Variants in WWP1 observed in about 807,000 individuals in gnomAD.
WWP1 encodes NEDD4-like E3 ubiquitin-protein ligase WWP1.
Under a neutral mutation model 130.6 loss-of-function variants are expected in WWP1, and 49 were observed. The observed-to-expected ratio is 0.38, with a 90% CI of 0.30 to 0.48. The LOEUF (loss-of-function observed/expected upper bound fraction) is 0.48, where lower values mean the gene tolerates loss of function less well. Among genes scored for constraint, WWP1 ranks in the 20% least tolerant of loss-of-function variants. The pLI is 0.99. For synonymous variants in WWP1, 332 were observed against 367.8 expected (o/e 0.90, Z 1.11); for missense variants, 809 against 1,100.6 (o/e 0.74, Z 3.75).
Position 86,427,757 on chromosome 8 carries a change from A to G in WWP1, c.1272A>G (p.Gln424=), listed in dbSNP as rs764150672. The change falls in exon 11 of 25, where the codon CAA becomes CAG. Residue 424 remains glutamine (Q), a synonymous_variant. Transcript: ENST00000517970. ...MESVRNFEQW[Q]SQRNQLQGAM... is the part of the protein sequence containing the mutation. Reference sequence around the variant, plus strand: ...CTGTCCGAAATTTTGAACAGTGGCAATCTCAGCGGAACCAATTGCAGGGAG... The same window carrying G: ...CTGTCCGAAATTTTGAACAGTGGCAGTCTCAGCGGAACCAATTGCAGGGAG... 4.3e-6 allele frequency: 7 copies of G among 1,613,900 alleles called. No homozygotes were observed. Among genetic ancestry groups the G allele is most frequent in the Admixed American group, 3.3e-5 (2 of 59,990 alleles).
At chr8:86,465,542 A>G (rs1052410754) in intron 24 of WWP1, among the ~76,000 whole-genome samples, 2 of 152,076 alleles carry the variant, frequency 1.3e-5, no homozygotes, top group Non-Finnish European at 1.5e-5. Context: ...GGGAGGAGGG[A>G]GGATTGCTTC....
At chr8:86,348,262 A>G (rs1822704883) in intron 1 of WWP1, among the ~76,000 whole-genome samples, 2 of 151,516 alleles carry the variant, frequency 1.3e-5, no homozygotes, top group Admixed American at 1.3e-4. Flanking sequence ...CTTGCTGCCC[A>G]GGCTGGAGTG....
At chr8:86,384,155 T>C (rs925059731) in intron 5 of WWP1, among the ~76,000 whole-genome samples, 2 of 152,212 alleles carry the variant, frequency 1.3e-5, no homozygotes, top group African/African-American at 4.8e-5. Flanking sequence ...CCTACCCCAA[T>C]GACATTATTT....
chr8:86,433,245 T>TTTTG (rs1299212520), intron 14 of WWP1, among the ~76,000 whole-genome samples: 1 of 150,868 alleles, frequency 6.6e-6, no homozygotes, highest in Admixed American at 6.6e-5. Context: ...TTTTTTTTTT[T>TTTTG]TTTGTTAACT....
intron 7 of WWP1, 89 bp from the exon 8 acceptor site, chr8:86,401,926 AACTT>A: frequency 8.4e-7 from 1 of 1,196,984 alleles, no homozygotes; most frequent in Non-Finnish European, 1.1e-6. Context: ...ACAAAAAAGA[AACTT>A]AAGAGAATTT....
intron 9 of WWP1, among the ~76,000 whole-genome samples, chr8:86,422,668 C>T (rs572073582): frequency 6.6e-5 from 10 of 152,082 alleles, no homozygotes; most frequent in East Asian, 3.9e-4. Context: ...CCACCACGCC[C>T]GGCCCACCAG....
In WWP1 at chr8:86,427,800, C is replaced by G; in HGVS notation, c.1315C>G (p.Gln439Glu). 5.6e-6 allele frequency: 9 copies of G among 1,611,976 alleles called. No individual in the cohort carries two copies. Among genetic ancestry groups the G allele is most frequent in the Non-Finnish European group, 7.6e-6 (9 of 1,178,928 alleles). ...QLQGAMQQFN[Q>E]RYLYSASMLA... ...GCAGGGAGCTATGCAACAGTTTAAC[C>G]AACGATACCTCTATTCGGTAATTAG... Residue 439 changes from glutamine (Q) to glutamate (E), a missense_variant, in exon 11 of 25, where the codon CAA becomes GAA. Gln to Glu is a conservative substitution (Grantham distance 29). Around this residue, in one of 3 missense-constraint regions of WWP1, gnomAD observed 450 missense variants for 674.2 expected, o/e 0.67. Transcript: ENST00000517970.
chr8:86,397,049 G>A (rs1807720611), intron 5 of WWP1, among the ~76,000 whole-genome samples: 1 of 152,184 alleles, frequency 6.6e-6, no homozygotes, highest in South Asian at 2.1e-4. Flanking sequence ...TCTGTCCGGT[G>A]ATTAGTAGTT....
chr8:86,385,697 CACAA>C (rs971818082), intron 5 of WWP1, among the ~76,000 whole-genome samples: 7 of 152,162 alleles, frequency 4.6e-5, no homozygotes, highest in Admixed American at 2.0e-4. Flanking sequence ...AATTATAGAC[CACAA>C]ACAAAGTGGA....
At chr8:86,402,298 T>G in intron 8 of WWP1, 95 bp downstream of exon 8, 1 of 1,417,356 alleles carries the variant, frequency 7.1e-7, no homozygotes. Flanking sequence ...GTGTAGTCTT[T>G]TTTTTGAGAC....
In WWP1 at chr8:86,468,285, T is replaced by G; in HGVS notation, c.*1392T>G. The stretch of plus-strand genomic sequence containing the variant: ...CAGTAATTATTGTTTTGCCAAAATT[T>G]TATTTTTCTACATATTGAGAGTGTG... On this transcript the variant is annotated 3_prime_UTR_variant, in exon 25 of 25. Transcript: ENST00000517970. The G allele has an allele frequency of 5.0e-6, 2 of 402,884 alleles. No individual in the cohort carries two copies. The allele number at this position is 402,884 out of a possible 1,614,324, so 25.0% of individuals were successfully genotyped here.
chr8:86,412,529 C>T (rs1005514643), intron 9 of WWP1, among the ~76,000 whole-genome samples: 24 of 152,216 alleles, frequency 1.6e-4, no homozygotes, highest in African/African-American at 3.9e-4. Context: ...CAGTTGTAAA[C>T]GTGTACAGTA....
At chr8:86,385,065 T>C (rs1825202027) in intron 5 of WWP1, among the ~76,000 whole-genome samples, 1 of 151,592 alleles carries the variant, frequency 6.6e-6, no homozygotes, top group South Asian at 2.1e-4. Flanking sequence ...ACAAAATAAG[T>C]AACCCAAGAA....
chr8:86,424,591 T>C (rs1809484748), intron 9 of WWP1, among the ~76,000 whole-genome samples: 1 of 151,610 alleles, frequency 6.6e-6, no homozygotes, highest in Admixed American at 6.6e-5. Context: ...TCACTCGCCG[T>C]TAGGAGCTGG....
intron 1 of WWP1, among the ~76,000 whole-genome samples, chr8:86,347,521 A>G (rs1231017362): frequency 6.6e-6 from 1 of 152,146 alleles, no homozygotes; most frequent in South Asian, 2.1e-4. Context: ...AATGTGTTAA[A>G]CTTTTGTACC....
intron 5 of WWP1, among the ~76,000 whole-genome samples, chr8:86,388,957 T>A (rs1428912961): frequency 6.6e-6 from 1 of 152,184 alleles, no homozygotes; most frequent in African/African-American, 2.4e-5. Context: ...TTTGTTGTTT[T>A]GATATGTTTG....
At chr8:86,465,537 G>C (rs1812033462) in intron 24 of WWP1, among the ~76,000 whole-genome samples, 2 of 152,140 alleles carry the variant, frequency 1.3e-5, no homozygotes. Context: ...GAGGTGGGAG[G>C]AGGGAGGATT....
At chr8:86,360,226 GA>G (rs2130188520) in intron 1 of WWP1, among the ~76,000 whole-genome samples, 1 of 152,034 alleles carries the variant, frequency 6.6e-6, no homozygotes, top group South Asian at 2.1e-4. Flanking sequence ...AAAATCATCT[GA>G]AAATAAGTTT....
chr8:86,460,759 T>G (rs1299624431), intron 22 of WWP1, among the ~76,000 whole-genome samples: 1 of 146,602 alleles, frequency 6.8e-6, no homozygotes, highest in East Asian at 2.1e-4. Context: ...CCTTAATAAA[T>G]GACAAACCCT....
Sources: allele counts gnomAD v4.1 joint callset (sites outside exome capture counted in the v4.1 genomes callset), GRCh38; gene constraint gnomAD v4.1.1; regional missense constraint gnomAD v4.1.1; transcripts MANE v1.5; gene names NCBI Gene and HGNC (gene_info 2026-07-23, HGNC 2026-07-21).